Variants in XKR4 observed in about 807,000 individuals in gnomAD.
XKR4 encodes the protein XK related 4, also known as XK-related protein 4.
A neutral mutation model predicts 53.9 loss-of-function variants in XKR4; 12 were observed. The ratio of observed to expected loss-of-function variants is 0.22; its 90% CI spans 0.14 to 0.36. XKR4 has a LOEUF of 0.36. Ranked by LOEUF, XKR4 falls within the 10% of genes least tolerant of loss-of-function variation. The probability of loss-of-function intolerance (pLI) is 1.00; values close to 1 mark genes in which losing one functional copy is unlikely to be tolerated. For synonymous variants in XKR4, 354 were observed against 362.4 expected (o/e 0.98, Z 0.26); for missense variants, 799 against 859.5 (o/e 0.93, Z 0.88).
At chr8:55,115,305 C>T (rs970475387) in intron 1 of XKR4, among the ~76,000 whole-genome samples, 9 of 151,978 alleles carry the variant, frequency 5.9e-5, no homozygotes, top group Non-Finnish European at 1.2e-4. Flanking sequence ...CACCAAACAC[C>T]TAGTATGAGC....
At chr8:55,365,768 G>T (rs1803974118) in intron 2 of XKR4, among the ~76,000 whole-genome samples, 2 of 151,974 alleles carry the variant, frequency 1.3e-5, no homozygotes, top group South Asian at 4.1e-4. Flanking sequence ...GTGCTGGGAG[G>T]GTGAGAGGAT....
chr8:55,441,721 C>A (rs549269274), intron 2 of XKR4, among the ~76,000 whole-genome samples: 1 of 152,112 alleles, frequency 6.6e-6, no homozygotes, highest in African/African-American at 2.4e-5. Flanking sequence ...AAGCATTGGT[C>A]AGTTAAAAGG....
intron 1 of XKR4, among the ~76,000 whole-genome samples, chr8:55,256,762 G>A (rs1304349327): frequency 6.6e-6 from 1 of 152,204 alleles, no homozygotes; most frequent in Non-Finnish European, 1.5e-5. Context: ...GCACCTGGAA[G>A]ATGAGAAGTT....
intron 2 of XKR4, among the ~76,000 whole-genome samples, chr8:55,515,704 A>C (rs1205902875): frequency 1.3e-5 from 2 of 152,214 alleles, no homozygotes; most frequent in Non-Finnish European, 2.9e-5. Context: ...TGTGCCTCTG[A>C]TCCATTTTGT....
At chr8:55,343,989 G>A (rs1290193151) in intron 1 of XKR4, among the ~76,000 whole-genome samples, 1 of 152,192 alleles carries the variant, frequency 6.6e-6, no homozygotes, top group African/African-American at 2.4e-5. Flanking sequence ...AGGTTGTGTG[G>A]CTGTAGATGC....
intron 1 of XKR4, among the ~76,000 whole-genome samples, chr8:55,193,474 G>A (rs1817468882): frequency 6.6e-6 from 1 of 152,084 alleles, no homozygotes; most frequent in African/African-American, 2.4e-5. Flanking sequence ...GGCTGAGGCT[G>A]GGTCTCTCAC....
chr8:55,447,281 C>T (rs1268127736), intron 2 of XKR4, among the ~76,000 whole-genome samples: 1 of 152,146 alleles, frequency 6.6e-6, no homozygotes, highest in Non-Finnish European at 1.5e-5. Context: ...GAGGATATGA[C>T]TTCTTAATAA....
At chr8:55,443,854 AG>A (rs59663166) in intron 2 of XKR4, among the ~76,000 whole-genome samples, 62,765 of 104,116 alleles carry the variant, frequency 0.6, 17,694 homozygotes, top group African/African-American at 0.79. Flanking sequence ...AAAAAAAAAA[AG>A]AAAGAAAAGA....
intron 1 of XKR4, among the ~76,000 whole-genome samples, chr8:55,298,848 G>A (rs958913383): frequency 1.3e-5 from 2 of 152,082 alleles, no homozygotes; most frequent in African/African-American, 4.8e-5. Flanking sequence ...TGAGCTATTC[G>A]AGAATAGGTT....
At position 55,537,781 on chromosome 8, in the gene XKR4, C is replaced by G. The variant is rs1807049653; in HGVS notation, c.*13554C>G. On this transcript the variant is annotated 3_prime_UTR_variant, in exon 3 of 3. Coordinates refer to ENST00000327381, the MANE Select transcript of XKR4 (RefSeq NM_052898.2). ...TGTAGTAAGGACCCCCCAGGCCCCA[C>G]AACATCATCACTGTGAGTCCTATCG... is the stretch of plus-strand genomic sequence containing the variant. 6.6e-6 allele frequency: 1 copy of G among 152,216 alleles called. No individual in the cohort carries two copies. Among genetic ancestry groups the G allele is most frequent in the Non-Finnish European group, 1.5e-5 (1 of 68,030 alleles). 9.4% of individuals were successfully genotyped at this position (152,216 alleles called of 1,614,324 possible).
At chr8:55,151,004 C>T (rs369824163) in intron 1 of XKR4, among the ~76,000 whole-genome samples, 2 of 152,130 alleles carry the variant, frequency 1.3e-5, no homozygotes, top group East Asian at 3.8e-4. Context: ...GTTGGAAATC[C>T]ATCTCTAATT....
intron 1 of XKR4, among the ~76,000 whole-genome samples, chr8:55,145,529 G>A (rs576050723): frequency 6.6e-6 from 1 of 152,246 alleles, no homozygotes; most frequent in Admixed American, 6.5e-5. Context: ...TTGGGGCACT[G>A]GAGAGAGTGT....
At chr8:55,220,421 G>A (rs889026703) in intron 1 of XKR4, among the ~76,000 whole-genome samples, 1 of 152,202 alleles carries the variant, frequency 6.6e-6, no homozygotes, top group Admixed American at 6.5e-5. Flanking sequence ...GCCAATGAAA[G>A]TGAACATAAA....
At chr8:55,270,553 A>G (rs1818674911) in intron 1 of XKR4, among the ~76,000 whole-genome samples, 1 of 152,194 alleles carries the variant, frequency 6.6e-6, no homozygotes, top group Non-Finnish European at 1.5e-5. Context: ...GTGTTAACAG[A>G]CTTATATTTC....
At chr8:55,243,410 C>G (rs1818238563) in intron 1 of XKR4, among the ~76,000 whole-genome samples, 1 of 152,188 alleles carries the variant, frequency 6.6e-6, no homozygotes, top group South Asian at 2.1e-4. Flanking sequence ...CAGTATTTTA[C>G]AGGATGTAAC....
intron 1 of XKR4, among the ~76,000 whole-genome samples, chr8:55,202,163 G>C (rs1563481633): frequency 6.6e-6 from 1 of 152,148 alleles, no homozygotes; most frequent in Non-Finnish European, 1.5e-5. Flanking sequence ...AAATTTGAAG[G>C]GCACTTGATA....
chr8:55,344,399 C>T (rs1046847981), intron 1 of XKR4, among the ~76,000 whole-genome samples: 18 of 151,628 alleles, frequency 1.2e-4, no homozygotes, highest in South Asian at 8.4e-4. Context: ...GATTCTATCA[C>T]GATCACTGCT....
chr8:55,490,283 C>T (rs377379776), intron 2 of XKR4, among the ~76,000 whole-genome samples: 41 of 152,126 alleles, frequency 2.7e-4, no homozygotes, highest in South Asian at 6.2e-4. Flanking sequence ...TTCTTTGCAG[C>T]GACATGGATG....
At chr8:55,128,874 G>T (rs563553205) in intron 1 of XKR4, among the ~76,000 whole-genome samples, 2 of 152,348 alleles carry the variant, frequency 1.3e-5, no homozygotes, top group Admixed American at 1.3e-4. Context: ...TATTCAGGAT[G>T]TTGAAATGCA....
Sources: allele counts gnomAD v4.1 joint callset (sites outside exome capture counted in the v4.1 genomes callset), GRCh38; gene constraint gnomAD v4.1.1; transcripts MANE v1.5; gene names NCBI Gene and HGNC (gene_info 2026-07-23, HGNC 2026-07-21).